The following WDR27 variants were observed in gnomAD, a reference collection of about 807,000 sequenced individuals.
The protein encoded by WDR27 is WD repeat-containing protein 27.
In WDR27, 100 loss-of-function variants were observed where a neutral mutation model predicts 114.4. That is an observed-to-expected ratio of 0.87 (90% confidence interval 0.74 to 1.03). The LOEUF (loss-of-function observed/expected upper bound fraction) is 1.03. Ranked by LOEUF, WDR27 falls within the 50% of genes least tolerant of loss-of-function variation. The pLI is 0.00. For synonymous variants in WDR27, 449 were observed against 423.1 expected, an observed-to-expected ratio of 1.06 and a Z score of -0.75; for missense variants, 1,129 against 1,092.9, an observed-to-expected ratio of 1.03 and a Z score of -0.47.
downstream of WDR27, among the ~76,000 whole-genome samples, chr6:169,455,843 A>G (rs1472697160): frequency 2.6e-5 from 4 of 152,326 alleles, no homozygotes; most frequent in Admixed American, 6.5e-5. Flanking sequence ...GTTTTGTCCT[A>G]AGTCTTCCCC....
At chr6:169,664,355 G>A in intron 7 of WDR27, 69 bp from the exon 8 acceptor site, 5 of 1,607,370 alleles carry the variant, frequency 3.1e-6, no homozygotes, top group South Asian at 1.1e-5. Context: ...AGCAACACCA[G>A]AGGTGGAGCA....
intron 25 of WDR27, among the ~76,000 whole-genome samples, chr6:169,482,279 A>G (rs548381185): frequency 6.6e-6 from 1 of 152,210 alleles, no homozygotes; most frequent in East Asian, 1.9e-4. Context: ...GAGTCTCTAT[A>G]ATAGAATAAT....
chr6:169,674,789 T>C (rs1346950678), intron 2 of WDR27, among the ~76,000 whole-genome samples: 1 of 152,086 alleles, frequency 6.6e-6, no homozygotes, highest in Non-Finnish European at 1.5e-5. Context: ...GTGTGAGCAA[T>C]AAAGCTTTTA....
At chr6:169,450,007 TTTTAA>T in the WDR27 span, among the ~76,000 whole-genome samples, 358 of 152,366 alleles carry the variant, frequency 2.3e-3, 2 homozygotes, top group Middle Eastern at 0.01. Context: ...TCTTTGTATA[TTTTAA>T]TTTATTACCT....
At position 169,632,928 on chromosome 6, in the gene WDR27, T is replaced by C; in HGVS notation, c.2223+19A>G. ...ACATAGTTTTACAGATGATACATGT[T>C]ATCCAAAAACTTACTCACTTTATTT... On this transcript the variant is annotated intron_variant, in intron 21 of 25. Coordinates refer to ENST00000448612, the MANE Select transcript of WDR27 (RefSeq NM_182552.5). The C allele has an allele frequency of 6.4e-7, 1 of 1,572,910 alleles. No homozygotes were observed. The highest frequency in any genetic ancestry group is 8.7e-7 in the Non-Finnish European group (1 of 1,149,488).
intron 25 of WDR27, among the ~76,000 whole-genome samples, chr6:169,473,824 A>C (rs956083179): frequency 3.3e-5 from 5 of 152,252 alleles, no homozygotes; most frequent in African/African-American, 1.2e-4. Context: ...CCTGTAATCC[A>C]CATGGGCAGA....
intron 25 of WDR27, among the ~76,000 whole-genome samples, chr6:169,523,085 G>T (rs1017792014): frequency 6.6e-6 from 1 of 151,796 alleles, no homozygotes; most frequent in Non-Finnish European, 1.5e-5. Context: ...CAAATAAACA[G>T]TATCAGAAAC....
At position 169,672,294 on chromosome 6, in the gene WDR27, T is replaced by A. The variant is rs1278343770; in HGVS notation, c.292A>T (p.Met98Leu). 1 of 1,613,798 alleles carries A rather than the reference T, an allele frequency of 6.2e-7. No individual in the cohort carries two copies. Among genetic ancestry groups the A allele is most frequent in the Non-Finnish European group, 8.5e-7 (1 of 1,179,776 alleles). ...TCTCTACATTCATCCAGGTTCCACATTATAACATAATCCAGTGATGCTGAG... is the reference window on the plus strand; with the variant it reads ...TCTCTACATTCATCCAGGTTCCACAATATAACATAATCCAGTGATGCTGAG... ...ICSASLDYVI[M>L]WNLDECREKV... The change falls in exon 3 of 26, where the codon ATG becomes TTG. Residue 98 changes from methionine to leucine, a missense_variant. Physicochemically the swap from Met to Leu is conservative, Grantham distance 15. Transcript: ENST00000448612.
chr6:169,482,012 C>T (rs1246055322), intron 25 of WDR27, among the ~76,000 whole-genome samples: 1 of 152,200 alleles, frequency 6.6e-6, no homozygotes, highest in African/African-American at 2.4e-5. Flanking sequence ...GCCATGAGTT[C>T]TCATCATTTA....
At chr6:169,660,353 G>T (rs1034953861) in intron 10 of WDR27, among the ~76,000 whole-genome samples, 1 of 152,296 alleles carries the variant, frequency 6.6e-6, no homozygotes, top group East Asian at 1.9e-4. Context: ...AGAATCCAGG[G>T]GCTTCCCAAG....
intron 25 of WDR27, among the ~76,000 whole-genome samples, chr6:169,536,598 T>C (rs1796219023): frequency 6.6e-6 from 1 of 152,168 alleles, no homozygotes; most frequent in Non-Finnish European, 1.5e-5. Flanking sequence ...AAATGTGTGA[T>C]CATGCTCACT....
At chr6:169,529,686 C>T (rs1795360171) in intron 25 of WDR27, among the ~76,000 whole-genome samples, 1 of 152,048 alleles carries the variant, frequency 6.6e-6, no homozygotes, top group Non-Finnish European at 1.5e-5. Flanking sequence ...TTCAAATGGA[C>T]CACCATTTAA....
chr6:169,473,939 T>G (rs181174479), intron 25 of WDR27, among the ~76,000 whole-genome samples: 6 of 152,380 alleles, frequency 3.9e-5, no homozygotes, highest in Admixed American at 3.3e-4. Context: ...GTTTCAAAAT[T>G]TGGCCCAACT....
intron 25 of WDR27, among the ~76,000 whole-genome samples, chr6:169,562,964 G>A (rs1247716457): frequency 6.6e-6 from 1 of 152,148 alleles, no homozygotes; most frequent in African/African-American, 2.4e-5. Context: ...CGGACTGTGA[G>A]CACAGCAGCG....
At chr6:169,599,375 T>C (rs1807473414) in intron 23 of WDR27, among the ~76,000 whole-genome samples, 1 of 152,218 alleles carries the variant, frequency 6.6e-6, no homozygotes, top group African/African-American at 2.4e-5. Context: ...ACATTAGTTA[T>C]GGTTTATTTA....
At chr6:169,643,555 T>C (rs2128230643) in intron 17 of WDR27, 142 bp downstream of exon 17, 1 of 618,642 alleles carries the variant, frequency 1.6e-6, no homozygotes, top group Non-Finnish European at 2.8e-6. Context: ...TCAGTAAATC[T>C]AGTTTAGACT....
chr6:169,607,139 G>A (rs1235690038), intron 22 of WDR27, among the ~76,000 whole-genome samples: 7 of 152,094 alleles, frequency 4.6e-5, no homozygotes, highest in Non-Finnish European at 1.0e-4. Context: ...AATGCTGATG[G>A]GAATGTAAAT....
rs78233989 is a variant in WDR27, at chr6:169,701,945, C to G, written c.-402G>C. On this transcript the variant is annotated 5_prime_UTR_variant, in exon 1 of 26. Transcript: ENST00000448612. ...TCACAGCACCCAGCTCCCAGGAGGG[C>G]ACGCAGAGGACTACCGAGCCACACT... The G allele has an allele frequency of 0.071, 26,205 of 370,040 alleles. 1,111 individuals carry two copies. Among genetic ancestry groups the G allele is most frequent in the East Asian group, 0.092 (1,174 of 12,812 alleles). The allele number at this position is 370,040 out of a possible 1,614,324, so 22.9% of individuals were successfully genotyped here.
chr6:169,676,460 C>T (rs1191234029), intron 2 of WDR27, among the ~76,000 whole-genome samples: 1 of 152,208 alleles, frequency 6.6e-6, no homozygotes, highest in African/African-American at 2.4e-5. Flanking sequence ...CATATCTTGA[C>T]ATAGGCCTGC....
Sources: gnomAD v4.1 joint callset for allele counts (sites outside exome capture counted in the v4.1 genomes callset) on GRCh38, gnomAD v4.1.1 for gene constraint, MANE v1.5 for transcripts, NCBI Gene and HGNC (gene_info 2026-07-23, HGNC 2026-07-21) for gene names.